FREM1: variants seen among roughly 807,000 people sequenced by gnomAD.
FREM1 encodes the protein FRAS1-related extracellular matrix protein 1.
FREM1 carries 220 observed loss-of-function variants against 210.1 expected under a neutral mutation model. The observed-to-expected ratio is 1.05, with a 90% confidence interval of 0.94 to 1.17. FREM1 has a LOEUF of 1.17. Among genes scored for constraint, FREM1 ranks in the 50% most tolerant of loss-of-function variants. The pLI is 0.00. For missense variants in FREM1, 3,454 were observed against 2,675.5 expected, an observed-to-expected ratio of 1.29 and a Z score of -6.42; for synonymous variants, 1,189 against 980.2, an observed-to-expected ratio of 1.21 and a Z score of -3.98.
At chr9:14,865,707 A>C in intron 2 of FREM1, among the ~76,000 whole-genome samples, 1 of 141,846 alleles carries the variant, frequency 7.0e-6, no homozygotes, top group East Asian at 2.1e-4. Context: ...GTGCACATGC[A>C]CTTAGCTATG....
At chr9:14,901,474 C>T (rs957522935) in intron 1 of FREM1, among the ~76,000 whole-genome samples, 38 of 152,250 alleles carry the variant, frequency 2.5e-4, no homozygotes, top group African/African-American at 9.1e-4. Context: ...CATATTACTG[C>T]CTCCAGCTTT....
intron 1 of FREM1, among the ~76,000 whole-genome samples, chr9:14,909,514 A>G (rs962872382): frequency 6.6e-6 from 1 of 152,194 alleles, no homozygotes; most frequent in Non-Finnish European, 1.5e-5. Flanking sequence ...AAATTTCTCT[A>G]TGTTTGTACC....
In FREM1 at chr9:14,868,961, C is replaced by G. The variant is rs1588487213; in HGVS notation, c.17G>C (p.Trp6Ser). Reference sequence around the variant, plus strand: ...CAGCAGCACGGCATTCGCAGCCCCCCAACTCAGAGAGTTCATGCTGACAGG... The same window carrying G: ...CAGCAGCACGGCATTCGCAGCCCCCGAACTCAGAGAGTTCATGCTGACAGG... MNSLS[W>S]GAANAVLLLL... The change falls in exon 2 of 37, where the codon TGG becomes TCG. Residue 6 changes from tryptophan (W) to serine (S), a missense_variant. Transcript: ENST00000380880. 6.3e-7 allele frequency: 1 copy of G among 1,583,112 alleles called. No individual in the cohort carries two copies. Among genetic ancestry groups the G allele is most frequent in the Non-Finnish European group, 8.6e-7 (1 of 1,167,186 alleles).
At chr9:14,808,994 C>G (rs1818892298) in intron 16 of FREM1, among the ~76,000 whole-genome samples, 1 of 152,154 alleles carries the variant, frequency 6.6e-6, no homozygotes, top group Non-Finnish European at 1.5e-5. Flanking sequence ...TTGGTTGTTC[C>G]CCCGCTCAAA....
intron 10 of FREM1, 25 bp from the exon 11 acceptor site, chr9:14,825,017 T>G: frequency 6.7e-7 from 1 of 1,496,734 alleles, no homozygotes; most frequent in Non-Finnish European, 9.0e-7. Flanking sequence ...TCTGTACCAT[T>G]AATTTGAAAT....
intron 2 of FREM1, among the ~76,000 whole-genome samples, chr9:14,864,467 T>C (rs1452510366): frequency 6.6e-6 from 1 of 152,248 alleles, no homozygotes; most frequent in East Asian, 1.9e-4. Flanking sequence ...GAGTTGTGTC[T>C]TGCATACTTG....
rs919660968 is a variant in FREM1 at position 14,847,805 on chromosome 9, A to G, written c.1261+860T>C. 5.3e-5 allele frequency among the ~76,000 whole-genome samples: 8 copies of G among 152,150 alleles called. No homozygotes were observed. In the East Asian group the frequency reaches 1.5e-3, roughly 29 times the overall value. On this transcript the variant is annotated intron_variant, in intron 7 of 36. Coordinates refer to ENST00000380880, the MANE Select transcript of FREM1 (RefSeq NM_001379081.2). ...CACGTACAGACTATTCCATCTCTACACTCAGGCAGGAGCCCATGCAACATG... is the reference window on the plus strand; with the variant it reads ...CACGTACAGACTATTCCATCTCTACGCTCAGGCAGGAGCCCATGCAACATG...
intron 5 of FREM1, among the ~76,000 whole-genome samples, chr9:14,851,897 T>C (rs948182973): frequency 3.9e-5 from 6 of 152,224 alleles, no homozygotes; most frequent in African/African-American, 1.4e-4. Context: ...GCACCTACTT[T>C]GGCATCAGAA....
chr9:14,754,878 G>C (rs928606593), intron 29 of FREM1, among the ~76,000 whole-genome samples: 1 of 152,176 alleles, frequency 6.6e-6, no homozygotes, highest in African/African-American at 2.4e-5. Flanking sequence ...AGGTTGCAGT[G>C]AGCTGAGATT....
chr9:14,827,433 C>G (rs1822684142), intron 10 of FREM1, among the ~76,000 whole-genome samples: 1 of 152,172 alleles, frequency 6.6e-6, no homozygotes, highest in Non-Finnish European at 1.5e-5. Context: ...ACTAAGCAAA[C>G]AGTTGAGCAC....
chr9:14,896,243 G>A (rs1837688698), intron 1 of FREM1, among the ~76,000 whole-genome samples: 1 of 152,074 alleles, frequency 6.6e-6, no homozygotes, highest in Non-Finnish European at 1.5e-5. Context: ...TACCCTATAT[G>A]GTCTAAAAAG....
At chr9:14,868,625 A>T in intron 2 of FREM1, 119 bp downstream of exon 2, 2 of 682,298 alleles carry the variant, frequency 2.9e-6, no homozygotes, top group Non-Finnish European at 5.2e-6. Flanking sequence ...ACATCTTCTA[A>T]TACTCGTCTT....
intron 27 of FREM1, among the ~76,000 whole-genome samples, chr9:14,761,141 C>T (rs750037792): frequency 2.6e-5 from 4 of 152,282 alleles, no homozygotes; most frequent in Middle Eastern, 3.4e-3. Context: ...ATTTCACACA[C>T]TCTCCAGGCT....
At chr9:14,770,269 A>G (rs1398557152) in intron 26 of FREM1, among the ~76,000 whole-genome samples, 1 of 152,218 alleles carries the variant, frequency 6.6e-6, no homozygotes, top group Admixed American at 6.5e-5. Context: ...CATCATTTAG[A>G]GTCATTTAGA....
intron 1 of FREM1, among the ~76,000 whole-genome samples, chr9:14,890,477 A>T (rs1397234609): frequency 1.3e-5 from 2 of 152,242 alleles, no homozygotes; most frequent in Non-Finnish European, 2.9e-5. Context: ...AAAGATTCTA[A>T]GAAGTCTTGC....
chr9:14,806,390 G>A (rs2133403961), intron 18 of FREM1, among the ~76,000 whole-genome samples: 1 of 151,878 alleles, frequency 6.6e-6, no homozygotes, highest in African/African-American at 2.4e-5. Flanking sequence ...CAAGTAGCTG[G>A]GATTACAGGC....
chr9:14,835,399 C>A (rs983991756), intron 10 of FREM1, among the ~76,000 whole-genome samples: 2 of 152,214 alleles, frequency 1.3e-5, no homozygotes, highest in Non-Finnish European at 2.9e-5. Flanking sequence ...TCTTTGTCAA[C>A]AGGACACAGT....
intron 1 of FREM1, among the ~76,000 whole-genome samples, chr9:14,893,239 T>A (rs1236661480): frequency 1.3e-5 from 2 of 152,188 alleles, no homozygotes; most frequent in Non-Finnish European, 2.9e-5. Flanking sequence ...AAAGTTTTGA[T>A]TAGTGGGAAA....
intron 1 of FREM1, among the ~76,000 whole-genome samples, chr9:14,872,003 C>T (rs1832767926): frequency 6.6e-6 from 1 of 152,086 alleles, no homozygotes; most frequent in Admixed American, 6.5e-5. Context: ...TTTCTGAGGG[C>T]TCTGTGCTGT....
Sources: allele counts gnomAD v4.1 joint callset (sites outside exome capture counted in the v4.1 genomes callset), GRCh38; gene constraint gnomAD v4.1.1; transcripts MANE v1.5; gene names NCBI Gene and HGNC (gene_info 2026-07-23, HGNC 2026-07-21).